The following SNAP47 variants were observed in gnomAD, a reference collection of about 807,000 sequenced individuals.
The protein encoded by SNAP47 is synaptosomal-associated protein 47.
Under a neutral mutation model 31.4 loss-of-function variants are expected in SNAP47, and 20 were observed. The ratio of observed to expected loss-of-function variants is 0.64; its 90% CI spans 0.45 to 0.93. SNAP47 has a LOEUF of 0.93. Among genes scored for constraint, SNAP47 ranks in the 40% least tolerant of loss-of-function variants. SNAP47 has a pLI of 0.00. For synonymous variants in SNAP47, 194 were observed against 213.4 expected (o/e 0.91, Z 0.79); for missense variants, 492 against 528.5 (o/e 0.93, Z 0.68).
At chr1:227,748,962 C>A (rs956167253) in intron 2 of SNAP47, among the ~76,000 whole-genome samples, 1 of 152,086 alleles carries the variant, frequency 6.6e-6, no homozygotes, top group Non-Finnish European at 1.5e-5. Context: ...TTGGGTACTC[C>A]TTTCGTATTT....
rs1392885807 is a variant in SNAP47 at position 227,762,501 on chromosome 1, GCT to G, written c.988+3020_988+3021del. 6.6e-6 allele frequency among the ~76,000 whole-genome samples: 1 copy of G among 152,212 alleles called. No homozygotes were observed. Among genetic ancestry groups the G allele is most frequent in the East Asian group, 1.9e-4 (1 of 5,188 alleles). On this transcript the variant is annotated intron_variant, in intron 3 of 4. Transcript: ENST00000617596. This position sits in a 1 kb window ranked among gnomAD's most constrained non-coding sequence, Gnocchi z 4.2. ...CTGTGCCAGCTTCCCTGTGTTTACTGCTCTCAGCTGGAAACTGTGGGCTCCCT... is the reference window on the plus strand; with the variant it reads ...CTGTGCCAGCTTCCCTGTGTTTACTGCTCAGCTGGAAACTGTGGGCTCCCT...
intron 2 of SNAP47, among the ~76,000 whole-genome samples, chr1:227,755,726 C>T (rs1662654240): frequency 6.6e-6 from 1 of 152,100 alleles, no homozygotes; most frequent in African/African-American, 2.4e-5. Context: ...TCACTTTGTG[C>T]CCATGCTGGG....
upstream of SNAP47, chr1:227,732,027 A>T (rs945745047): frequency 9.6e-6 from 3 of 312,840 alleles, no homozygotes; most frequent in Admixed American, 4.3e-5. Context: ...ATGGCCTGAG[A>T]CGAGGGGACA....
intron 4 of SNAP47, among the ~76,000 whole-genome samples, chr1:227,772,087 G>T (rs777524676): frequency 6.6e-6 from 1 of 152,192 alleles, no homozygotes; most frequent in African/African-American, 2.4e-5. Flanking sequence ...CCCAGTTGTC[G>T]CTTTAATGAA....
intron 1 of SNAP47, among the ~76,000 whole-genome samples, chr1:227,740,086 T>G (rs1162493884): frequency 6.6e-6 from 1 of 152,228 alleles, no homozygotes; most frequent in African/African-American, 2.4e-5. Context: ...CCTTCTGTAG[T>G]GCGACAGTCA....
chr1:227,745,237 A>G (rs750784158), intron 1 of SNAP47, among the ~76,000 whole-genome samples: 11 of 152,350 alleles, frequency 7.2e-5, no homozygotes, highest in Middle Eastern at 6.8e-3. Context: ...GAATCAAAAC[A>G]GAGCATGCAA....
chr1:227,734,444 A>C, upstream of SNAP47: 1 of 495,070 alleles, frequency 2.0e-6, no homozygotes, highest in East Asian at 3.1e-5. Flanking sequence ...TCTCTCAAAA[A>C]AAAAGGAAAA....
chr1:227,773,135 T>C (rs959196954), intron 4 of SNAP47, among the ~76,000 whole-genome samples: 1 of 143,608 alleles, frequency 7.0e-6, no homozygotes, highest in African/African-American at 2.6e-5. Context: ...TAATTTTTTT[T>C]TTTTTTTTTT....
chr1:227,739,927 T>C (rs1661479968), intron 1 of SNAP47, among the ~76,000 whole-genome samples: 1 of 152,200 alleles, frequency 6.6e-6, no homozygotes, highest in African/African-American at 2.4e-5. Flanking sequence ...CCGTGAGGGC[T>C]CCAGGACCTG....
chr1:227,748,333 C>T lies in SNAP47; in HGVS notation c.497+100C>T, dbSNP rs527532636. ...TCCAGGCCACTGCACCATATTTGCACACATCCAGCATTCTGAGATCCTGGC... is the reference window on the plus strand; with the variant it reads ...TCCAGGCCACTGCACCATATTTGCATACATCCAGCATTCTGAGATCCTGGC... On this transcript the variant is annotated intron_variant, in intron 2 of 4. Transcript: ENST00000617596. 9.5e-4 allele frequency: 1,229 copies of T among 1,291,820 alleles called. 1 individual carries two copies. Among genetic ancestry groups the T allele is most frequent in the Non-Finnish European group, 1.2e-3 (1,117 of 958,696 alleles). The allele number at this position is 1,291,820 out of a possible 1,614,324, so 80.0% of individuals were successfully genotyped here.
rs1040927763 is a variant in SNAP47 at position 227,759,127 on chromosome 1, G to A, written c.630G>A (p.Leu210=). 31 of 1,614,028 alleles carry A rather than the reference G, an allele frequency of 1.9e-5. No homozygotes were observed. Among genetic ancestry groups the A allele is most frequent in the Non-Finnish European group, 2.6e-5 (31 of 1,180,042 alleles). Residue 210 remains leucine, a synonymous_variant, in exon 3 of 5, where the codon CTG becomes CTA. Coordinates refer to ENST00000617596, the MANE Select transcript of SNAP47 (RefSeq NM_053052.4). ...AACCCTTTGGGAAAGAAGGGATACTGATAAAAATTCCTGCTGTTATTTCCC... is the reference window on the plus strand; with the variant it reads ...AACCCTTTGGGAAAGAAGGGATACTAATAAAAATTCCTGCTGTTATTTCCC... The part of the protein sequence containing the change: ...SCEPFGKEGI[L]IKIPAVISHR...
upstream of SNAP47, chr1:227,733,038 C>A (rs770697998): frequency 3.1e-6 from 5 of 1,613,088 alleles, no homozygotes; most frequent in Non-Finnish European, 4.2e-6. Context: ...CTGGAAGGGG[C>A]ACAGTGCAGG....
chr1:227,757,202 C>A (rs1266429687), intron 2 of SNAP47, among the ~76,000 whole-genome samples: 1 of 152,166 alleles, frequency 6.6e-6, no homozygotes, highest in Non-Finnish European at 1.5e-5. Flanking sequence ...GATTTTGGAA[C>A]CAGAAGTCTC....
chr1:227,738,081 A>G (rs1661348809), intron 1 of SNAP47, among the ~76,000 whole-genome samples: 1 of 151,696 alleles, frequency 6.6e-6, no homozygotes. Context: ...TTATTCTGTC[A>G]CCCAGGCTGG....
rs756332010 is a variant in SNAP47 at position 227,735,475 on chromosome 1, C to G, written c.-70C>G. On this transcript the variant is annotated 5_prime_UTR_variant, in exon 1 of 5. Coordinates refer to ENST00000617596, the MANE Select transcript of SNAP47 (RefSeq NM_053052.4). Reference sequence around the variant, plus strand: ...AGCGGCCGAGGCGCCGCGGTCGGCTCTGGGACTCGTCTGGCGTCCCTCAGG... The same window carrying G: ...AGCGGCCGAGGCGCCGCGGTCGGCTGTGGGACTCGTCTGGCGTCCCTCAGG... The G allele has an allele frequency of 4.9e-6, 7 of 1,429,700 alleles. No homozygotes were observed. The African/African-American group carries it at 6.0e-5, about 12-fold the overall frequency. The allele number at this position is 1,429,700 out of a possible 1,614,324, so 88.6% of individuals were successfully genotyped here.
intron 2 of SNAP47, among the ~76,000 whole-genome samples, chr1:227,751,762 T>C (rs1208026252): frequency 8.6e-6 from 1 of 116,716 alleles, no homozygotes. Context: ...TTTTTTTTTT[T>C]TTTTTTTTTT....
At chr1:227,728,742 G>C (rs1014236759) in exon 1 of SNAP47, 2 of 152,226 alleles carry the variant, frequency 1.3e-5, no homozygotes, top group East Asian at 3.9e-4. Context: ...GGCACGGGCT[G>C]TCTGATTCTC....
upstream of SNAP47, chr1:227,732,731 A>G (rs937711360): frequency 6.3e-7 from 1 of 1,599,928 alleles, no homozygotes; most frequent in African/African-American, 1.3e-5. Flanking sequence ...TCCAAGCTGC[A>G]AAGGACCCGA....
intron 4 of SNAP47, chr1:227,777,246 A>AT (rs1309231777): frequency 1.4e-5 from 5 of 363,450 alleles, no homozygotes; most frequent in Non-Finnish European, 1.9e-5. Context: ...AAGTGATCAC[A>AT]TCACAACCAG....
Sources: gnomAD v4.1 joint callset for allele counts (sites outside exome capture counted in the v4.1 genomes callset) on GRCh38, gnomAD v4.1.1 for gene constraint, Gnocchi (gnomAD v3.1) non-coding constraint, MANE v1.5 for transcripts, NCBI Gene and HGNC (gene_info 2026-07-23, HGNC 2026-07-21) for gene names.